The following SLCO3A1 variants were observed in gnomAD, a reference collection of about 807,000 sequenced individuals.
The protein encoded by SLCO3A1 is PGE1 transporter.
A neutral mutation model predicts 63.1 loss-of-function variants in SLCO3A1; 27 were observed. The observed-to-expected ratio is 0.43, with a 90% CI of 0.32 to 0.59. The LOEUF is 0.59. Among genes scored for constraint, SLCO3A1 ranks in the 20% least tolerant of loss-of-function variants. The pLI is 0.09. For missense variants in SLCO3A1, 773 were observed against 945.8 expected (o/e 0.82, Z 2.40); for synonymous variants, 473 against 409.9 (o/e 1.15, Z -1.86).
At position 91,882,505 on chromosome 15, in the gene SLCO3A1, C is replaced by G. The variant is rs578110992; in HGVS notation, c.180+28417C>G. ...GGGGCCTCCACCCCCACCCCACCCCCACTATGTATGACTTCTTTTTTTTCC... is the reference window on the plus strand; with the variant it reads ...GGGGCCTCCACCCCCACCCCACCCCGACTATGTATGACTTCTTTTTTTTCC... On this transcript the variant is annotated intron_variant, in intron 1 of 9. Coordinates refer to ENST00000318445, the MANE Select transcript of SLCO3A1 (RefSeq NM_013272.4). The surrounding 1 kb of genome is among the most constrained non-coding windows in gnomAD (Gnocchi z 4.4). 6.6e-6 allele frequency among the ~76,000 whole-genome samples: 1 copy of G among 152,050 alleles called. No homozygotes were observed. The highest frequency in any genetic ancestry group is 1.5e-5 in the Non-Finnish European group (1 of 68,000).
intron 2 of SLCO3A1, among the ~76,000 whole-genome samples, chr15:92,068,043 C>T (rs1231343839): frequency 6.6e-6 from 1 of 152,150 alleles, no homozygotes; most frequent in Admixed American, 6.5e-5. Context: ...GACCCCACCT[C>T]TTGATACCAT....
intron 7 of SLCO3A1, among the ~76,000 whole-genome samples, chr15:92,146,612 G>A (rs887240842): frequency 1.3e-5 from 2 of 152,160 alleles, no homozygotes; most frequent in African/African-American, 2.4e-5. Flanking sequence ...CTGCATAAAA[G>A]AGAGGACAAA....
At chr15:92,061,020 TA>T (rs1371096764) in intron 2 of SLCO3A1, among the ~76,000 whole-genome samples, 1 of 152,210 alleles carries the variant, frequency 6.6e-6, no homozygotes, top group African/African-American at 2.4e-5. Context: ...AGTTCATGGC[TA>T]TATTTGGATC....
intron 2 of SLCO3A1, among the ~76,000 whole-genome samples, chr15:92,002,685 C>G (rs542450457): frequency 1.2e-3 from 179 of 152,272 alleles, no homozygotes; most frequent in African/African-American, 4.2e-3. Flanking sequence ...TAGCAATTAT[C>G]TCTCAGGAAG....
intron 2 of SLCO3A1, among the ~76,000 whole-genome samples, chr15:91,999,828 G>A (rs1381109981): frequency 6.6e-6 from 1 of 152,182 alleles, no homozygotes; most frequent in African/African-American, 2.4e-5. Context: ...TGGAAAATAA[G>A]TGGCATTTTC....
intron 2 of SLCO3A1, among the ~76,000 whole-genome samples, chr15:92,011,505 A>G (rs1170238131): frequency 7.3e-6 from 1 of 136,106 alleles, no homozygotes; most frequent in Non-Finnish European, 1.5e-5. Flanking sequence ...ATTTAAACAC[A>G]TGCTTCTTAA....
chr15:91,962,628 G>A (rs991721762), intron 2 of SLCO3A1, among the ~76,000 whole-genome samples: 22 of 151,962 alleles, frequency 1.4e-4, no homozygotes, highest in Non-Finnish European at 2.8e-4. Context: ...AATGAGAGGT[G>A]GAAATGGCTG....
chr15:91,889,052 A>G (rs999998936), intron 1 of SLCO3A1: 12 of 750,736 alleles, frequency 1.6e-5, no homozygotes, highest in East Asian at 9.9e-5. Flanking sequence ...AAAACCTACA[A>G]TTATTACTAG....
chr15:92,141,675 A>T, intron 7 of SLCO3A1, among the ~76,000 whole-genome samples: 1 of 152,138 alleles, frequency 6.6e-6, no homozygotes, highest in African/African-American at 2.4e-5. Context: ...TTTGGAAATC[A>T]TCTCTCTGCA....
At chr15:91,927,777 T>C (rs551354642) in intron 2 of SLCO3A1, among the ~76,000 whole-genome samples, 2 of 152,332 alleles carry the variant, frequency 1.3e-5, no homozygotes, top group East Asian at 3.9e-4. Flanking sequence ...TAATGGAGTT[T>C]ACAAAGGGAA....
intron 2 of SLCO3A1, among the ~76,000 whole-genome samples, chr15:91,988,856 A>C (rs189168264): frequency 1.3e-5 from 2 of 152,340 alleles, no homozygotes; most frequent in Non-Finnish European, 2.9e-5. Flanking sequence ...CAGACCATAA[A>C]TCCTACTAAT....
chr15:91,937,871 C>G (rs1018434553), intron 2 of SLCO3A1, among the ~76,000 whole-genome samples: 1 of 152,126 alleles, frequency 6.6e-6, no homozygotes, highest in African/African-American at 2.4e-5. Context: ...CCTAGTTATG[C>G]AGTCTTGCAT....
At position 91,854,635 on chromosome 15, in the gene SLCO3A1, G is replaced by A. The variant is rs7172169; in HGVS notation, c.180+547G>A. Among the ~76,000 whole-genome samples, 53,322 of 151,800 alleles carry A rather than the reference G, an allele frequency of 0.35. 11,845 individuals carry two copies. The highest frequency in any genetic ancestry group is 0.63 in the African/African-American group (26,172 of 41,336). On this transcript the variant is annotated intron_variant, in intron 1 of 9. Coordinates refer to ENST00000318445, the MANE Select transcript of SLCO3A1 (RefSeq NM_013272.4). The surrounding 1 kb of genome is among the most constrained non-coding windows in gnomAD (Gnocchi z 6.4). Reference sequence around the variant, plus strand: ...TGAAATGCGCCCTAGTGTGGCCCTGGCCTGAGCCGGGGCTGCAGGGGGAAT... The same window carrying A: ...TGAAATGCGCCCTAGTGTGGCCCTGACCTGAGCCGGGGCTGCAGGGGGAAT...
chr15:91,881,163 C>G (rs993839616), intron 1 of SLCO3A1, among the ~76,000 whole-genome samples: 2 of 152,146 alleles, frequency 1.3e-5, no homozygotes, highest in African/African-American at 2.4e-5. Context: ...AGCAGCTTGG[C>G]CAGCTTGGTC....
At chr15:92,010,713 T>C (rs1332980683) in intron 2 of SLCO3A1, among the ~76,000 whole-genome samples, 1 of 152,200 alleles carries the variant, frequency 6.6e-6, no homozygotes, top group Non-Finnish European at 1.5e-5. Flanking sequence ...TTATGAGCCC[T>C]GTTGATCTTT....
chr15:92,082,479 C>T (rs989541366), intron 2 of SLCO3A1, among the ~76,000 whole-genome samples: 2 of 152,124 alleles, frequency 1.3e-5, no homozygotes, highest in African/African-American at 4.8e-5. Flanking sequence ...CACAGCCAAC[C>T]CGCGTTTCCT....
At chr15:91,986,040 C>CCT (rs2046047999) in intron 2 of SLCO3A1, among the ~76,000 whole-genome samples, 2 of 152,262 alleles carry the variant, frequency 1.3e-5, no homozygotes, top group East Asian at 3.9e-4. Context: ...TGGATCTGGT[C>CCT]CTCTGAGTTT....
intron 10 of SLCO3A1, chr15:92,171,512 C>T (rs2048521306): frequency 2.5e-6 from 1 of 401,700 alleles, no homozygotes; most frequent in African/African-American, 2.0e-5. Context: ...TTACTCATCC[C>T]CGACATCTGC....
intron 2 of SLCO3A1, among the ~76,000 whole-genome samples, chr15:91,961,909 T>C (rs955542854): frequency 2.6e-5 from 4 of 152,244 alleles, no homozygotes; most frequent in African/African-American, 4.8e-5. Flanking sequence ...AATGAATGAA[T>C]GCATTTGATT....
Sources: allele counts gnomAD v4.1 joint callset (sites outside exome capture counted in the v4.1 genomes callset), GRCh38; gene constraint gnomAD v4.1.1; non-coding constraint Gnocchi (gnomAD v3.1); transcripts MANE v1.5; gene names NCBI Gene and HGNC (gene_info 2026-07-23, HGNC 2026-07-21).